IQANK1: variants seen among roughly 807,000 people sequenced by gnomAD.
The protein encoded by IQANK1 is IQ motif and ankyrin repeat containing 1.
IQANK1 carries 30 observed loss-of-function variants against 22.6 expected under a neutral mutation model. The ratio of observed to expected loss-of-function variants is 1.33; its 90% CI spans 0.99 to 1.80. The LOEUF is 1.80. Ranked by LOEUF, IQANK1 falls within the 40% of genes most tolerant of loss-of-function variation. IQANK1 has a pLI of 0.00. For missense variants in IQANK1, 275 were observed against 235.2 expected (o/e 1.17, Z -1.11); for synonymous variants, 122 against 99.6 (o/e 1.23, Z -1.34).
At chr8:143,739,623 T>C in intron 2 of IQANK1, 1 of 420,082 alleles carries the variant, frequency 2.4e-6, no homozygotes, top group Non-Finnish European at 4.2e-6. Flanking sequence ...GGTGCCTTCC[T>C]GCGGGCTGGC....
At chr8:143,740,842 G>C (rs1265138484) in intron 3 of IQANK1, among the ~76,000 whole-genome samples, 1 of 152,272 alleles carries the variant, frequency 6.6e-6, no homozygotes. Context: ...CGGGAGTAGT[G>C]GCAGTTGTTT....
intron 7 of IQANK1, among the ~76,000 whole-genome samples, chr8:143,785,209 T>A (rs1475127027): frequency 6.6e-6 from 1 of 152,092 alleles, no homozygotes; most frequent in Non-Finnish European, 1.5e-5. Context: ...TCTGCAGATT[T>A]TTGTTTATAT....
chr8:143,745,360 G>A (rs1292710482), intron 3 of IQANK1: 2 of 152,162 alleles, frequency 1.3e-5, no homozygotes, highest in Non-Finnish European at 2.9e-5. Flanking sequence ...ATATCAACCC[G>A]GGCTTACAGA....
rs539633561 is a variant in IQANK1, at chr8:143,771,849, C to A, written c.355C>A (p.Arg119Ser). ...RREQEAARRLREQEEAAQRER... is the reference protein window; with the variant it reads ...RREQEAARRLSEQEEAAQRER... ...GGAGCAGGAGGCCGCGCGGCGGCTG[C>A]GCGAGCAGGAGGAGGCGGCGCAGCG... The change falls in exon 5 of 14, where the codon CGC becomes AGC. Residue 119 changes from arginine (R) to serine (S), a missense_variant. By Grantham distance (110) the Arg-to-Ser change is moderately radical. Transcript: ENST00000527139. This position sits in a 1 kb window ranked among gnomAD's most constrained non-coding sequence, Gnocchi z 6.0. 2 of 395,262 alleles carry A rather than the reference C, an allele frequency of 5.1e-6. No individual in the cohort carries two copies. The highest frequency in any genetic ancestry group is 7.2e-5 in the East Asian group (2 of 27,838). 24.5% of individuals were successfully genotyped at this position (395,262 alleles called of 1,614,324 possible). A position where few individuals can be genotyped will look rare whatever the true frequency, so the allele number is the denominator to read the frequency against.
In IQANK1 at chr8:143,771,464, C is replaced by G; in HGVS notation, c.176-24C>G. On this transcript the variant is annotated intron_variant, in intron 3 of 13. Transcript: ENST00000527139. The surrounding 1 kb of genome is among the most constrained non-coding windows in gnomAD (Gnocchi z 6.0). ...GCGTGGCTGGAGGCGAGAACGCGCC[C>G]CCGTGAGCCTCTCCCCACCCCAGGG... 1 of 397,504 alleles carries G rather than the reference C, an allele frequency of 2.5e-6. No individual in the cohort carries two copies. Among genetic ancestry groups the G allele is most frequent in the South Asian group, 1.3e-4 (1 of 7,840 alleles). 24.6% of individuals were successfully genotyped at this position (397,504 alleles called of 1,614,324 possible). A position where few individuals can be genotyped will look rare whatever the true frequency, so the allele number is the denominator to read the frequency against.
chr8:143,787,372 G>A (rs61245577), intron 7 of IQANK1, among the ~76,000 whole-genome samples: 2,936 of 152,184 alleles, frequency 0.019, 93 homozygotes, highest in African/African-American at 0.068. Context: ...AGTTTACCAC[G>A]TGTCTGCATG....
At position 143,781,932 on chromosome 8, in the gene IQANK1, A is replaced by C. The variant is rs368703415; in HGVS notation, c.790-6983A>C. Among the ~76,000 whole-genome samples, 8 of 152,264 alleles carry C rather than the reference A, an allele frequency of 5.3e-5. No individual in the cohort carries two copies. In the South Asian group the frequency reaches 1.2e-3, roughly 24 times the overall value. ...CAATATGGCCATTTTAATGGTATTG[A>C]TTCTTCCTATCCGTGAGCATGGGAT... On this transcript the variant is annotated intron_variant, in intron 7 of 13. Coordinates refer to ENST00000527139, the MANE Select transcript of IQANK1 (RefSeq NM_001381874.1).
rs1185632785 is a variant in IQANK1, at chr8:143,773,300, CA to C, written c.789+834del. The stretch of plus-strand genomic sequence containing the variant: ...CCAGCCTGGGCAACAGAGTGAGACT[CA>C]AAAAAAAAAAAAAAACAAAAAAAAC... On this transcript the variant is annotated intron_variant, in intron 7 of 13. Coordinates refer to ENST00000527139, the MANE Select transcript of IQANK1 (RefSeq NM_001381874.1). Among the ~76,000 whole-genome samples the C allele has an allele frequency of 1.7e-3, 134 of 79,696 alleles. No homozygotes were observed. In the South Asian group the frequency reaches 0.018, roughly 11 times the overall value. The allele number at this position is 79,696 out of a possible 152,430, so 52.3% of individuals were successfully genotyped here.
chr8:143,742,257 T>C, intron 3 of IQANK1: 1 of 408,472 alleles, frequency 2.4e-6, no homozygotes, highest in Non-Finnish European at 5.0e-6. Flanking sequence ...TACACAGCGC[T>C]CAAGTGACTC....
In IQANK1 at chr8:143,774,297, C is replaced by T. The variant is rs118176087; in HGVS notation, c.789+1815C>T. 1.2e-3 allele frequency among the ~76,000 whole-genome samples: 187 copies of T among 152,196 alleles called. No homozygotes were observed. The highest frequency in any genetic ancestry group is 3.4e-3 in the Middle Eastern group (1 of 294). On this transcript the variant is annotated intron_variant, in intron 7 of 13. Coordinates refer to ENST00000527139, the MANE Select transcript of IQANK1 (RefSeq NM_001381874.1). The surrounding 1 kb of genome is among the most constrained non-coding windows in gnomAD (Gnocchi z 4.2). ...GGCAGGAGCAAACGTTTGTGAACCA[C>T]GCATCTGGCAAGGCACGTGTACCTA...
intron 7 of IQANK1, among the ~76,000 whole-genome samples, chr8:143,775,355 G>GAC (rs1216128730): frequency 0.064 from 6,359 of 99,476 alleles, 368 homozygotes; most frequent in African/African-American, 0.16. Flanking sequence ...CACACACACA[G>GAC]ACACACACAC....
In IQANK1 at chr8:143,735,641, C is replaced by T. The variant is rs1818716678; in HGVS notation, c.-4-209C>T. Among the ~76,000 whole-genome samples the T allele has an allele frequency of 6.6e-6, 1 of 152,076 alleles. No homozygotes were observed. The highest frequency in any genetic ancestry group is 2.4e-5 in the African/African-American group (1 of 41,402). On this transcript the variant is annotated intron_variant, in intron 1 of 13. Coordinates refer to ENST00000527139, the MANE Select transcript of IQANK1 (RefSeq NM_001381874.1). This position sits in a 1 kb window ranked among gnomAD's most constrained non-coding sequence, Gnocchi z 5.2. ...CAGGGGGACGGGAGGTGGCCAAGTG[C>T]TCTTGCCAGGCATCCCGGCTCAAGC...
At chr8:143,788,531 G>A (rs11136325) in intron 7 of IQANK1, among the ~76,000 whole-genome samples, 61,673 of 152,154 alleles carry the variant, frequency 0.41, 16,221 homozygotes, top group Non-Finnish European at 0.58. Flanking sequence ...CATCCTGCGG[G>A]CCAGCCTCCT....
intron 7 of IQANK1, among the ~76,000 whole-genome samples, chr8:143,787,833 C>T (rs980086180): frequency 6.6e-6 from 1 of 152,116 alleles, no homozygotes; most frequent in Admixed American, 6.5e-5. Flanking sequence ...CACCCGCGCA[C>T]CCCTAACGCA....
At chr8:143,742,999 C>A (rs782738631) in intron 3 of IQANK1, 2 of 455,964 alleles carry the variant, frequency 4.4e-6, no homozygotes, top group African/African-American at 2.0e-5. Flanking sequence ...CCCCCACCCC[C>A]CAGAACTCCT....
At chr8:143,789,365 C>G (rs1554631851) in intron 9 of IQANK1, 71 bp from the exon 10 acceptor site, 3 of 849,346 alleles carry the variant, frequency 3.5e-6, no homozygotes, top group Non-Finnish European at 4.7e-6. Flanking sequence ...TCCTCAGGCC[C>G]CTGGGCCAGG....
At chr8:143,786,358 C>T (rs1322623941) in intron 7 of IQANK1, among the ~76,000 whole-genome samples, 1 of 152,068 alleles carries the variant, frequency 6.6e-6, no homozygotes, top group African/African-American at 2.4e-5. Flanking sequence ...CCTTAGGACC[C>T]CAAAGTGAGG....
At chr8:143,772,302 G>A (rs927195499) in intron 6 of IQANK1, 55 bp from the exon 7 acceptor site, 1 of 398,584 alleles carries the variant, frequency 2.5e-6, no homozygotes, top group Non-Finnish European at 4.4e-6. Context: ...GCCCTCAGGG[G>A]CCTCCTTCCC....
chr8:143,766,998 G>A (rs1404517724), intron 3 of IQANK1, among the ~76,000 whole-genome samples: 5 of 152,226 alleles, frequency 3.3e-5, no homozygotes, highest in Non-Finnish European at 5.9e-5. Flanking sequence ...ATGCCCGGGG[G>A]CTGTTTCTGA....
Sources: gnomAD v4.1 joint callset for allele counts (sites outside exome capture counted in the v4.1 genomes callset) on GRCh38, gnomAD v4.1.1 for gene constraint, Gnocchi (gnomAD v3.1) non-coding constraint, MANE v1.5 for transcripts, NCBI Gene and HGNC (gene_info 2026-07-23, HGNC 2026-07-21) for gene names.